The following EYS variants were observed in gnomAD, a reference collection of about 807,000 sequenced individuals.
EYS encodes EGF-like photoreceptor maintenance factor.
EYS carries 250 observed loss-of-function variants against 282.1 expected under a neutral mutation model. The observed-to-expected ratio is 0.89, with a 90% confidence interval of 0.80 to 0.98. The LOEUF is 0.98. Ranked by LOEUF, EYS falls within the 50% of genes least tolerant of loss-of-function variation. EYS has a pLI of 0.00. For missense variants in EYS, 4,016 were observed against 3,709.0 expected, an observed-to-expected ratio of 1.08 and a Z score of -2.15; for synonymous variants, 1,355 against 1,282.9, an observed-to-expected ratio of 1.06 and a Z score of -1.20.
At chr6:64,306,914 T>C (rs1769466826) in intron 30 of EYS, 56 bp downstream of exon 30, 3 of 816,946 alleles carry the variant, frequency 3.7e-6, no homozygotes, top group East Asian at 5.4e-5. Context: ...GGAAATGATA[T>C]CTTTTGGTGT....
At chr6:65,062,440 G>T (rs1387049169) in intron 12 of EYS, among the ~76,000 whole-genome samples, 1 of 151,882 alleles carries the variant, frequency 6.6e-6, no homozygotes, top group Non-Finnish European at 1.5e-5. Context: ...GAGAACAAGA[G>T]TTGCTTTAAC....
chr6:65,330,318 A>G, intron 11 of EYS: 1 of 971,790 alleles, frequency 1.0e-6, no homozygotes, highest in South Asian at 4.8e-5. Context: ...TATTTCTGGT[A>G]GCAAGTAGGG....
intron 8 of EYS, among the ~76,000 whole-genome samples, chr6:65,379,435 C>T (rs1247993414): frequency 6.6e-6 from 1 of 152,074 alleles, no homozygotes; most frequent in Non-Finnish European, 1.5e-5. Flanking sequence ...GCTAAAAACT[C>T]TCAATAAACT....
At chr6:64,946,712 A>G (rs1435565703) in intron 14 of EYS, among the ~76,000 whole-genome samples, 1 of 151,968 alleles carries the variant, frequency 6.6e-6, no homozygotes, top group Non-Finnish European at 1.5e-5. Flanking sequence ...ACATTGAAAC[A>G]TGGCTAGTAC....
intron 22 of EYS, among the ~76,000 whole-genome samples, chr6:64,669,866 A>C (rs1253514904): frequency 1.3e-5 from 2 of 152,200 alleles, no homozygotes; most frequent in African/African-American, 4.8e-5. Flanking sequence ...TTAATTTTGC[A>C]TATTGACCAA....
At chr6:64,595,016 T>C (rs191184759) in intron 24 of EYS, among the ~76,000 whole-genome samples, 23 of 152,114 alleles carry the variant, frequency 1.5e-4, no homozygotes, top group Admixed American at 1.2e-3. Context: ...GCAACTATCA[T>C]TGATGAACCT....
intron 33 of EYS, among the ~76,000 whole-genome samples, chr6:64,005,392 G>A (rs1015754494): frequency 6.6e-6 from 1 of 152,024 alleles, no homozygotes; most frequent in Non-Finnish European, 1.5e-5. Flanking sequence ...TGCATAGTTT[G>A]AAATATTTTC....
intron 13 of EYS, among the ~76,000 whole-genome samples, chr6:65,005,068 C>G (rs1320733748): frequency 1.4e-5 from 2 of 147,820 alleles, no homozygotes; most frequent in Non-Finnish European, 3.0e-5. Context: ...CTGCACTCTT[C>G]TGGTCTATGT....
At chr6:65,113,691 C>T (rs149151875) in intron 12 of EYS, among the ~76,000 whole-genome samples, 3 of 140,866 alleles carry the variant, frequency 2.1e-5, no homozygotes, top group East Asian at 4.0e-4. Flanking sequence ...AAGAAACAAA[C>T]GTGGCATCTT....
chr6:64,082,639 A>G (rs1163806121), intron 31 of EYS, among the ~76,000 whole-genome samples: 1 of 152,174 alleles, frequency 6.6e-6, no homozygotes, highest in Non-Finnish European at 1.5e-5. Context: ...ATTAATGTTC[A>G]TTAATATTTA....
At chr6:65,339,448 T>C (rs1184833756) in intron 10 of EYS, among the ~76,000 whole-genome samples, 1 of 151,268 alleles carries the variant, frequency 6.6e-6, no homozygotes, top group East Asian at 1.9e-4. Flanking sequence ...ACATAACTTT[T>C]ATTATAGTAT....
intron 14 of EYS, among the ~76,000 whole-genome samples, chr6:64,961,592 A>G (rs941507433): frequency 1.3e-5 from 2 of 152,102 alleles, no homozygotes; most frequent in African/African-American, 4.8e-5. Flanking sequence ...AGTCATTTAT[A>G]AGCTAGGAAT....
intron 19 of EYS, among the ~76,000 whole-genome samples, chr6:64,854,550 C>T (rs1765993606): frequency 1.5e-5 from 2 of 130,300 alleles, no homozygotes; most frequent in South Asian, 4.5e-4. Context: ...AATGAGAACA[C>T]ATGGACACAG....
chr6:64,663,920 G>A (rs556416776), intron 22 of EYS, among the ~76,000 whole-genome samples: 95 of 152,292 alleles, frequency 6.2e-4, no homozygotes, highest in African/African-American at 2.2e-3. Flanking sequence ...CTAGTGTTAA[G>A]CTAGATTAGG....
intron 2 of EYS, among the ~76,000 whole-genome samples, chr6:65,624,744 C>T (rs985684872): frequency 1.3e-4 from 20 of 152,100 alleles, no homozygotes; most frequent in Admixed American, 1.1e-3. Flanking sequence ...TCTTGAACAC[C>T]GAACTGCAAG....
chr6:65,289,709 T>C (rs1768469336), intron 12 of EYS, among the ~76,000 whole-genome samples: 1 of 151,212 alleles, frequency 6.6e-6, no homozygotes. Context: ...ATTCACACAT[T>C]ACTAACAAAT....
intron 19 of EYS, among the ~76,000 whole-genome samples, chr6:64,870,362 A>G (rs1766553258): frequency 6.6e-6 from 1 of 151,406 alleles, no homozygotes; most frequent in Non-Finnish European, 1.5e-5. Context: ...CTTGATACAG[A>G]GTCAGCTTAC....
At chr6:65,012,207 A>T (rs2150133829) in intron 13 of EYS, among the ~76,000 whole-genome samples, 1 of 152,332 alleles carries the variant, frequency 6.6e-6, no homozygotes, top group Non-Finnish European at 1.5e-5. Context: ...CCATTGTGTG[A>T]AATGTACACA....
At chr6:65,384,547 T>C in intron 7 of EYS, 47 bp from the exon 8 acceptor site, 1 of 936,466 alleles carries the variant, frequency 1.1e-6, no homozygotes, top group Non-Finnish European at 1.7e-6. Context: ...TTTAAATGTT[T>C]TCAGAAAAGC....
Sources: allele counts gnomAD v4.1 joint callset (sites outside exome capture counted in the v4.1 genomes callset), GRCh38; gene constraint gnomAD v4.1.1; transcripts MANE v1.5; gene names NCBI Gene and HGNC (gene_info 2026-07-23, HGNC 2026-07-21).